The following TMOD2 variants were observed in gnomAD, a reference collection of about 807,000 sequenced individuals.
TMOD2 encodes tropomodulin-2.
In TMOD2, 22 loss-of-function variants were observed where a neutral mutation model predicts 39.9. That is an observed-to-expected ratio of 0.55 (90% CI 0.39 to 0.79). TMOD2 has a LOEUF of 0.79. Among genes scored for constraint, TMOD2 ranks in the 30% least tolerant of loss-of-function variants. The pLI, the probability that TMOD2 is intolerant of heterozygous loss-of-function variation, is 0.00. For synonymous variants in TMOD2, 123 were observed against 146.1 expected (o/e 0.84, Z 1.14); for missense variants, 386 against 413.3 (o/e 0.93, Z 0.57).
chr15:51,781,389 A>G (rs769220580), intron 6 of TMOD2, among the ~76,000 whole-genome samples: 3 of 152,358 alleles, frequency 2.0e-5, no homozygotes, highest in Admixed American at 2.0e-4. Context: ...AGCATAGTAC[A>G]TTAGTTATAT....
At chr15:51,779,021 A>G (rs2055910774) in intron 5 of TMOD2, among the ~76,000 whole-genome samples, 1 of 151,882 alleles carries the variant, frequency 6.6e-6, no homozygotes, top group Non-Finnish European at 1.5e-5. Context: ...CAATGGTGCA[A>G]TCATAACTTA....
chr15:51,781,014 C>T (rs757320074), intron 5 of TMOD2, 30 bp from the exon 6 acceptor site: 17 of 1,563,158 alleles, frequency 1.1e-5, no homozygotes, highest in African/African-American at 1.4e-5. Flanking sequence ...AGAGACTTTG[C>T]ATTTTTTAAA....
At chr15:51,776,783 C>T in intron 4 of TMOD2, 149 bp from the exon 5 acceptor site, 2 of 605,408 alleles carry the variant, frequency 3.3e-6, no homozygotes, top group South Asian at 1.8e-5. Context: ...GTATTTAACG[C>T]TATACATGTA....
chr15:51,756,781 G>A (rs2055745037), intron 1 of TMOD2, among the ~76,000 whole-genome samples: 2 of 152,198 alleles, frequency 1.3e-5, no homozygotes, highest in African/African-American at 2.4e-5. Context: ...TTCAGACTGA[G>A]ACTTCTCCTT....
Position 51,769,237 on chromosome 15 carries a change from G to C in TMOD2, c.283+819G>C, listed in dbSNP as rs2055837407. ...AAATGTGAGGTGGTGTCATGCCTGA[G>C]AGTTTCCTAGGCACTGGTGTATTTC... is the stretch of plus-strand genomic sequence containing the variant. On this transcript the variant is annotated intron_variant, in intron 3 of 9. Transcript: ENST00000249700. 4.6e-5 allele frequency among the ~76,000 whole-genome samples: 7 copies of C among 152,354 alleles called. No homozygotes were observed. The South Asian group carries it at 1.4e-3, about 32-fold the overall frequency.
chr15:51,752,189 G>T (rs1240997259), intron 1 of TMOD2, among the ~76,000 whole-genome samples: 1 of 152,116 alleles, frequency 6.6e-6, no homozygotes, highest in Non-Finnish European at 1.5e-5. Context: ...TCCTGAGATC[G>T]CTGGAGCTGT....
chr15:51,797,600 T>A (rs2141638682), intron 7 of TMOD2, among the ~76,000 whole-genome samples: 1 of 152,334 alleles, frequency 6.6e-6, no homozygotes, highest in Middle Eastern at 3.4e-3. Context: ...GGTGGGAAAC[T>A]CTGGGAGTAA....
chr15:51,799,786 C>G (rs1419877613), intron 8 of TMOD2, among the ~76,000 whole-genome samples: 1 of 152,156 alleles, frequency 6.6e-6, no homozygotes, highest in East Asian at 1.9e-4. Context: ...AGTGATCACT[C>G]AGGGATATTT....
chr15:51,759,223 C>T (rs943196935), intron 1 of TMOD2, among the ~76,000 whole-genome samples: 7 of 151,948 alleles, frequency 4.6e-5, no homozygotes, highest in African/African-American at 1.2e-4. Context: ...CCTGGTTTTT[C>T]GGCCAATTTC....
chr15:51,806,578 T>G, intron 9 of TMOD2, 57 bp downstream of exon 9: 1 of 1,596,816 alleles, frequency 6.3e-7, no homozygotes, highest in South Asian at 1.1e-5. Flanking sequence ...CATTCACTTC[T>G]CCACTTCAGA....
chr15:51,780,984 T>G lies in TMOD2; in HGVS notation c.494-60T>G. ...GAAAGAAATGTCATTTTTTGGGAAG[T>G]CACCACTGATTTTGATAGGAGAGAC... On this transcript the variant is annotated intron_variant, in intron 5 of 9. Coordinates refer to ENST00000249700, the MANE Select transcript of TMOD2 (RefSeq NM_014548.4). 4 of 1,437,468 alleles carry G rather than the reference T, an allele frequency of 2.8e-6. 1 individual carries two copies. Among genetic ancestry groups the G allele is most frequent in the Middle Eastern group, 3.7e-4 (2 of 5,452 alleles). The allele number at this position is 1,437,468 out of a possible 1,614,324, so 89.0% of individuals were successfully genotyped here. A position where few individuals can be genotyped will look rare whatever the true frequency, so the allele number is the denominator to read the frequency against.
At chr15:51,801,605 T>C (rs1029805038) in intron 8 of TMOD2, among the ~76,000 whole-genome samples, 1 of 152,158 alleles carries the variant, frequency 6.6e-6, no homozygotes, top group African/African-American at 2.4e-5. Flanking sequence ...CAGGCTGCTG[T>C]GGCTAGGCTC....
intron 8 of TMOD2, among the ~76,000 whole-genome samples, chr15:51,802,469 T>C (rs1182394573): frequency 6.6e-6 from 1 of 152,226 alleles, no homozygotes; most frequent in African/African-American, 2.4e-5. Flanking sequence ...ACAAAGCAGC[T>C]GTAAGGATGC....
intron 8 of TMOD2, among the ~76,000 whole-genome samples, chr15:51,802,697 A>C (rs1595879169): frequency 6.6e-6 from 1 of 152,302 alleles, no homozygotes; most frequent in South Asian, 2.1e-4. Flanking sequence ...CCACTCTTCT[A>C]AACTATGTCA....
intron 1 of TMOD2, among the ~76,000 whole-genome samples, chr15:51,765,305 CAT>C: frequency 6.6e-6 from 1 of 152,120 alleles, no homozygotes; most frequent in East Asian, 1.9e-4. Flanking sequence ...CTGGCCTCCT[CAT>C]GTGTTTTTAA....
Position 51,782,796 on chromosome 15 carries a change from G to C in TMOD2, c.700G>C (p.Ala234Pro). ...CACTCACGTGAAGAAGTTCAGCCTGGCCGCAACTCGCAGCAATGACCCTGT... is the reference window on the plus strand; with the variant it reads ...CACTCACGTGAAGAAGTTCAGCCTGCCCGCAACTCGCAGCAATGACCCTGT... ...TNTHVKKFSL[A>P]ATRSNDPVAI... The change falls in exon 7 of 10, where the codon GCC becomes CCC. Residue 234 changes from alanine (A) to proline (P), a missense_variant. Coordinates refer to ENST00000249700, the MANE Select transcript of TMOD2 (RefSeq NM_014548.4). 2 of 1,614,034 alleles carry C rather than the reference G, an allele frequency of 1.2e-6. No individual in the cohort carries two copies. The highest frequency in any genetic ancestry group is 1.7e-6 in the Non-Finnish European group (2 of 1,179,938).
intron 4 of TMOD2, among the ~76,000 whole-genome samples, chr15:51,775,985 T>C (rs961115768): frequency 7.2e-5 from 11 of 152,220 alleles, no homozygotes; most frequent in Non-Finnish European, 1.6e-4. Flanking sequence ...TTATTATCCC[T>C]GTTTTACAGA....
intron 7 of TMOD2, among the ~76,000 whole-genome samples, chr15:51,786,925 G>T (rs939232989): frequency 3.9e-5 from 6 of 152,336 alleles, no homozygotes; most frequent in Admixed American, 2.6e-4. Flanking sequence ...CAGAAGATGG[G>T]TGTTTCTGCA....
At chr15:51,787,022 G>A (rs1050541920) in intron 7 of TMOD2, among the ~76,000 whole-genome samples, 15 of 152,218 alleles carry the variant, frequency 9.9e-5, no homozygotes, top group Non-Finnish European at 4.4e-5. Flanking sequence ...GCAGGGCGGG[G>A]CATCACCTCA....
Sources: gnomAD v4.1 joint callset for allele counts (sites outside exome capture counted in the v4.1 genomes callset) on GRCh38, gnomAD v4.1.1 for gene constraint, MANE v1.5 for transcripts, NCBI Gene and HGNC (gene_info 2026-07-23, HGNC 2026-07-21) for gene names.